The following DAB1 variants were observed in gnomAD, a reference collection of about 807,000 sequenced individuals.
The protein encoded by DAB1 is disabled homolog 1.
A neutral mutation model predicts 64.6 loss-of-function variants in DAB1; 15 were observed. The ratio of observed to expected loss-of-function variants is 0.23; its 90% CI spans 0.16 to 0.36. The LOEUF is 0.36. DAB1 is among the 10% of genes least tolerant of loss of function. DAB1 has a pLI of 1.00. For synonymous variants in DAB1, 235 were observed against 251.9 expected, an observed-to-expected ratio of 0.93 and a Z score of 0.64; for missense variants, 596 against 706.7, an observed-to-expected ratio of 0.84 and a Z score of 1.78.
chr1:58,040,865 T>C (rs1232120014), intron 5 of DAB1, among the ~76,000 whole-genome samples: 3 of 152,134 alleles, frequency 2.0e-5, no homozygotes, highest in Non-Finnish European at 4.4e-5. Flanking sequence ...ACCTCACAAC[T>C]CTCAGAGAGT....
At chr1:57,441,018 C>T (rs1388965663) in intron 7 of DAB1, among the ~76,000 whole-genome samples, 1 of 152,094 alleles carries the variant, frequency 6.6e-6, no homozygotes, top group Admixed American at 6.6e-5. Context: ...CCACACTTCC[C>T]TCCTAGCCTC....
At chr1:57,974,670 G>A (rs1645876568) in intron 5 of DAB1, among the ~76,000 whole-genome samples, 1 of 152,002 alleles carries the variant, frequency 6.6e-6, no homozygotes, top group Non-Finnish European at 1.5e-5. Context: ...CCTAATCAAT[G>A]TGCATATGCC....
intron 4 of DAB1, among the ~76,000 whole-genome samples, chr1:57,125,498 TG>T (rs1657057834): frequency 1.3e-5 from 2 of 151,894 alleles, no homozygotes; most frequent in Non-Finnish European, 2.9e-5. Context: ...ATAATCTCTC[TG>T]AAAAAAATAC....
intron 5 of DAB1, among the ~76,000 whole-genome samples, chr1:57,912,126 T>C (rs1644654503): frequency 6.6e-6 from 1 of 152,208 alleles, no homozygotes; most frequent in Non-Finnish European, 1.5e-5. Context: ...TTAAAAGTGA[T>C]GTCTGCTAAC....
chr1:57,577,556 TCC>T (rs1645264797), intron 7 of DAB1, among the ~76,000 whole-genome samples: 1 of 152,194 alleles, frequency 6.6e-6, no homozygotes, highest in Non-Finnish European at 1.5e-5. Flanking sequence ...GTATTGTTAC[TCC>T]CATAAAGAAA....
At position 57,561,571 on chromosome 1, in the gene DAB1, C is replaced by A. The variant is rs187978165; in HGVS notation, n.625+88021G>T. ...ATTTGTATCCCATGTGAATGCTCAC[C>A]AACAGGTGACCTCAGCAGATGAGGA... On this transcript the variant is annotated intron_variant and non_coding_transcript_variant, in intron 7 of 20. Coordinates refer to the DAB1 transcript ENST00000485760. 1.6e-3 allele frequency among the ~76,000 whole-genome samples: 238 copies of A among 152,280 alleles called. 2 individuals are homozygous for A. Among genetic ancestry groups the A allele is most frequent in the Non-Finnish European group, 1.3e-3 (91 of 68,020 alleles).
At chr1:58,286,505 A>G (rs1465317013) in intron 4 of DAB1, among the ~76,000 whole-genome samples, 2 of 152,232 alleles carry the variant, frequency 1.3e-5, no homozygotes, top group Non-Finnish European at 2.9e-5. Flanking sequence ...AAGTGGACAA[A>G]GGACATGAAC....
chr1:57,211,213 C>T (rs552845338), intron 2 of DAB1, among the ~76,000 whole-genome samples: 2 of 152,162 alleles, frequency 1.3e-5, no homozygotes, highest in Non-Finnish European at 2.9e-5. Flanking sequence ...TGAAAACACT[C>T]AGAGTTCGTT....
At chr1:57,794,848 C>T (rs1650766302) in intron 6 of DAB1, among the ~76,000 whole-genome samples, 1 of 152,200 alleles carries the variant, frequency 6.6e-6, no homozygotes, top group African/African-American at 2.4e-5. Context: ...ACCTAATTTT[C>T]TCCCAGAATG....
intron 2 of DAB1, among the ~76,000 whole-genome samples, chr1:57,259,967 A>T (rs1280808444): frequency 1.3e-5 from 2 of 152,194 alleles, no homozygotes; most frequent in Non-Finnish European, 2.9e-5. Context: ...TACACATTTC[A>T]TAGTTTGTTC....
intron 3 of DAB1, among the ~76,000 whole-genome samples, chr1:58,459,519 A>T (rs1231720095): frequency 6.6e-6 from 1 of 152,260 alleles, no homozygotes; most frequent in African/African-American, 2.4e-5. Context: ...AAGTACTCTT[A>T]AGAATGGCAA....
chr1:58,380,648 A>T (rs767796091), intron 3 of DAB1, among the ~76,000 whole-genome samples: 3 of 152,200 alleles, frequency 2.0e-5, no homozygotes, highest in Non-Finnish European at 4.4e-5. Context: ...ATAGGATTGG[A>T]GCAGATAGCT....
intron 2 of DAB1, among the ~76,000 whole-genome samples, chr1:57,240,110 T>C (rs1420821418): frequency 6.6e-6 from 1 of 152,240 alleles, no homozygotes; most frequent in African/African-American, 2.4e-5. Flanking sequence ...ATTTATTAAC[T>C]GGTGATATTA....
chr1:57,375,237 A>G (rs1158281627), intron 1 of DAB1, among the ~76,000 whole-genome samples: 3 of 152,148 alleles, frequency 2.0e-5, no homozygotes, highest in Admixed American at 6.5e-5. Flanking sequence ...ATTGAAAATG[A>G]GTTCTTAGTA....
At position 58,310,634 on chromosome 1, in the gene DAB1, G is replaced by T. The variant is rs183953295; in HGVS notation, n.309+32718C>A. On this transcript the variant is annotated intron_variant and non_coding_transcript_variant, in intron 4 of 20. Transcript: ENST00000485760. ...GCCAGGTGTCCTGTGCACACAGACT[G>T]CCCAGTTGCTCAACCCTGAGTTTAG... Among the ~76,000 whole-genome samples, 55 of 152,156 alleles carry T rather than the reference G, an allele frequency of 3.6e-4. 1 individual carries two copies. Among genetic ancestry groups the T allele is most frequent in the Middle Eastern group, 6.8e-3 (2 of 294 alleles).
At chr1:57,707,101 C>A (rs960561784) in intron 6 of DAB1, among the ~76,000 whole-genome samples, 6 of 151,670 alleles carry the variant, frequency 4.0e-5, no homozygotes, top group Middle Eastern at 3.4e-3. Context: ...ACAAAAAAAC[C>A]CCCCAAAAAA....
At chr1:58,442,607 G>A (rs147436144) in intron 3 of DAB1, among the ~76,000 whole-genome samples, 1 of 152,284 alleles carries the variant, frequency 6.6e-6, no homozygotes, top group African/African-American at 2.4e-5. Context: ...GTGTAATTTG[G>A]AACATCAAAA....
At chr1:57,442,968 C>T (rs1049090623) in intron 7 of DAB1, among the ~76,000 whole-genome samples, 3 of 152,330 alleles carry the variant, frequency 2.0e-5, no homozygotes, top group African/African-American at 7.2e-5. Context: ...TCTACTCTTT[C>T]TCCCATTATC....
intron 4 of DAB1, among the ~76,000 whole-genome samples, chr1:58,187,399 C>A (rs1657137535): frequency 6.6e-6 from 1 of 151,160 alleles, no homozygotes; most frequent in Admixed American, 6.6e-5. Context: ...ATTACTTGAG[C>A]CTCGGAGTTT....
Sources: allele counts gnomAD v4.1 joint callset (sites outside exome capture counted in the v4.1 genomes callset), GRCh38; gene constraint gnomAD v4.1.1; transcripts MANE v1.5; gene names NCBI Gene and HGNC (gene_info 2026-07-23, HGNC 2026-07-21).